The following PRIM2 variants were observed in gnomAD, a reference collection of about 807,000 sequenced individuals.
PRIM2 encodes the protein DNA primase large subunit.
In PRIM2, 39 loss-of-function variants were observed where a neutral mutation model predicts 67.3. The observed-to-expected ratio is 0.58, with a 90% confidence interval of 0.45 to 0.76. The LOEUF is 0.76. PRIM2 is among the 30% of genes least tolerant of loss of function. PRIM2 has a pLI of 0.00. For missense variants in PRIM2, 398 were observed against 598.7 expected (o/e 0.66, Z 3.50); for synonymous variants, 143 against 198.7 (o/e 0.72, Z 2.36).
chr6:57,343,532 A>G (rs1364378028), intron 5 of PRIM2, among the ~76,000 whole-genome samples: 1 of 152,204 alleles, frequency 6.6e-6, no homozygotes, highest in Non-Finnish European at 1.5e-5. Flanking sequence ...GAGACAGGAC[A>G]CACAGATGTA....
chr6:57,253,860 A>C, the PRIM2 span, among the ~76,000 whole-genome samples: 1 of 152,158 alleles, frequency 6.6e-6, no homozygotes. Context: ...AAAGTGGAAA[A>C]GTTGCCTTTT....
intron 8 of PRIM2, among the ~76,000 whole-genome samples, chr6:57,525,077 C>T (rs1386429792): frequency 1.3e-5 from 2 of 151,828 alleles, no homozygotes; most frequent in African/African-American, 4.8e-5. Context: ...TGCCCACCTG[C>T]CTTTGCTTGT....
chr6:57,329,459 T>G (rs1767979988), intron 5 of PRIM2, among the ~76,000 whole-genome samples: 1 of 152,166 alleles, frequency 6.6e-6, no homozygotes, highest in East Asian at 1.9e-4. Context: ...TGATATGGTT[T>G]GATTGTGTCC....
At chr6:57,496,409 C>T (rs1350033250) in intron 7 of PRIM2, among the ~76,000 whole-genome samples, 1 of 152,182 alleles carries the variant, frequency 6.6e-6, no homozygotes, top group East Asian at 1.9e-4. Context: ...AGATACACAA[C>T]ATGCACTATG....
chr6:57,459,926 C>A (rs1562765179), intron 7 of PRIM2, among the ~76,000 whole-genome samples: 1 of 152,126 alleles, frequency 6.6e-6, no homozygotes, highest in Non-Finnish European at 1.5e-5. Context: ...AATTAAGCAC[C>A]CCTAGGTGAA....
the PRIM2 span, among the ~76,000 whole-genome samples, chr6:57,238,725 G>A: frequency 6.6e-6 from 1 of 152,124 alleles, no homozygotes; most frequent in Non-Finnish European, 1.5e-5. Flanking sequence ...GAGCAGAACT[G>A]AAAGAGATAG....
At chr6:57,602,786 G>A (rs1776493350) in intron 11 of PRIM2, among the ~76,000 whole-genome samples, 1 of 152,100 alleles carries the variant, frequency 6.6e-6, no homozygotes, top group Non-Finnish European at 1.5e-5. Flanking sequence ...ATTATACTTA[G>A]CACTCAATGA....
intron 8 of PRIM2, among the ~76,000 whole-genome samples, chr6:57,521,367 GTTTTT>G (rs1163114437): frequency 0.038 from 3,711 of 97,964 alleles, 200 homozygotes; most frequent in African/African-American, 0.13. Context: ...TGTGGTTAGG[GTTTTT>G]TTTTTTTTTT....
chr6:57,483,587 G>A (rs1490274432), intron 7 of PRIM2, among the ~76,000 whole-genome samples: 14 of 152,042 alleles, frequency 9.2e-5, no homozygotes, highest in African/African-American at 3.1e-4. Context: ...TAGATGAAAC[G>A]GTCACTGGGC....
chr6:57,430,447 GTTTTTTTT>G (rs71687266), intron 7 of PRIM2, among the ~76,000 whole-genome samples: 3 of 78,160 alleles, frequency 3.8e-5, no homozygotes, highest in Non-Finnish European at 5.0e-5. Flanking sequence ...TTCTTTCTTT[GTTTTTTTT>G]TTTTTTTTTT....
chr6:57,348,804 G>C (rs1768763572), intron 5 of PRIM2, among the ~76,000 whole-genome samples: 1 of 140,068 alleles, frequency 7.1e-6, no homozygotes, highest in Non-Finnish European at 1.5e-5. Context: ...CTGAAGTGCA[G>C]TGGCGCGATC....
intron 10 of PRIM2, among the ~76,000 whole-genome samples, chr6:57,599,479 C>A (rs1316712594): frequency 4.6e-5 from 7 of 151,426 alleles, no homozygotes; most frequent in Non-Finnish European, 1.0e-4. Flanking sequence ...TCTCTTCTTC[C>A]TACATATTTC....
At chr6:57,426,165 A>C (rs1352982545) in intron 7 of PRIM2, among the ~76,000 whole-genome samples, 1 of 152,174 alleles carries the variant, frequency 6.6e-6, no homozygotes, top group African/African-American at 2.4e-5. Flanking sequence ...TACACTCATC[A>C]TATAAGTATT....
intron 7 of PRIM2, among the ~76,000 whole-genome samples, chr6:57,410,835 T>G (rs1771065198): frequency 6.6e-6 from 1 of 152,170 alleles, no homozygotes; most frequent in East Asian, 1.9e-4. Context: ...ATACATTTAG[T>G]CTGTCACTAT....
intron 7 of PRIM2, among the ~76,000 whole-genome samples, chr6:57,454,068 C>T (rs1431291323): frequency 2.6e-5 from 4 of 151,954 alleles, no homozygotes; most frequent in African/African-American, 4.8e-5. Flanking sequence ...TCTTTGGTTC[C>T]GTTTATATGT....
At chr6:57,336,190 C>T (rs916476323) in intron 5 of PRIM2, among the ~76,000 whole-genome samples, 2 of 152,032 alleles carry the variant, frequency 1.3e-5, no homozygotes, top group African/African-American at 4.8e-5. Flanking sequence ...GCAAAGCCTC[C>T]AAGAAATATG....
chr6:57,576,166 A>C (rs1396784360), intron 10 of PRIM2, among the ~76,000 whole-genome samples: 2 of 152,130 alleles, frequency 1.3e-5, no homozygotes, highest in Non-Finnish European at 2.9e-5. Flanking sequence ...AGGCATGTTC[A>C]TGATAATATA....
upstream of PRIM2, among the ~76,000 whole-genome samples, chr6:57,311,722 A>C (rs1240082565): frequency 6.6e-6 from 1 of 151,922 alleles, no homozygotes; most frequent in African/African-American, 2.4e-5. Flanking sequence ...AAGCCACTGC[A>C]CTCCAGCCTG....
At chr6:57,627,279 C>CAA (rs1158722297) in intron 12 of PRIM2, among the ~76,000 whole-genome samples, 360 of 24,518 alleles carry the variant, frequency 0.015, 69 homozygotes, top group African/African-American at 0.036. Context: ...GACTCTGTCT[C>CAA]AAAAAAAAAA....
Sources: gnomAD v4.1 joint callset for allele counts (sites outside exome capture counted in the v4.1 genomes callset) on GRCh38, gnomAD v4.1.1 for gene constraint, MANE v1.5 for transcripts, NCBI Gene and HGNC (gene_info 2026-07-23, HGNC 2026-07-21) for gene names.